Variants in KCNK10 observed in about 807,000 individuals in gnomAD.
The protein encoded by KCNK10 is potassium two pore domain channel subfamily K member 10, also known as potassium channel subfamily K member 10.
KCNK10 carries 25 observed loss-of-function variants against 47.7 expected under a neutral mutation model. That is an observed-to-expected ratio of 0.52 (90% confidence interval 0.38 to 0.73). KCNK10 has a LOEUF of 0.73. Ranked by LOEUF, KCNK10 falls within the 30% of genes least tolerant of loss-of-function variation. KCNK10 has a pLI of 0.00. For missense variants in KCNK10, 563 were observed against 714.5 expected (o/e 0.79, Z 2.42); for synonymous variants, 303 against 285.6 (o/e 1.06, Z -0.61).
intron 3 of KCNK10, among the ~76,000 whole-genome samples, chr14:88,234,349 T>C (rs190329562): frequency 6.6e-6 from 1 of 152,340 alleles, no homozygotes; most frequent in African/African-American, 2.4e-5. Context: ...TATAATTAGA[T>C]TAAGAGTGTT....
chr14:88,199,027 C>T (rs1182395365), intron 4 of KCNK10, among the ~76,000 whole-genome samples: 1 of 151,968 alleles, frequency 6.6e-6, no homozygotes, highest in Non-Finnish European at 1.5e-5. Context: ...TCAAGCGATT[C>T]TCCTGCCTCA....
rs182902550 is a variant in KCNK10 at position 88,321,096 on chromosome 14, G to T, written c.52+1651C>A. ...CTGTATTTACAGTATAACAGCCTGG[G>T]TGTTTAAAAAAGGCAATACCTCTTC... is the stretch of plus-strand genomic sequence containing the variant. On this transcript the variant is annotated intron_variant, in intron 1 of 6. Coordinates refer to ENST00000319231, the MANE Select transcript of KCNK10 (RefSeq NM_138317.3). Among the ~76,000 whole-genome samples the T allele has an allele frequency of 3.9e-5, 6 of 152,294 alleles. No individual in the cohort carries two copies. The East Asian group carries it at 1.2e-3, about 29-fold the overall frequency.
intron 2 of KCNK10, among the ~76,000 whole-genome samples, chr14:88,246,549 C>T (rs1046268488): frequency 6.6e-6 from 1 of 152,194 alleles, no homozygotes; most frequent in Non-Finnish European, 1.5e-5. Context: ...TATAAATATT[C>T]CACAGCCACA....
chr14:88,232,449 G>A (rs966466884), intron 3 of KCNK10, among the ~76,000 whole-genome samples: 13 of 152,074 alleles, frequency 8.5e-5, no homozygotes, highest in Non-Finnish European at 1.8e-4. Flanking sequence ...TAAACCTTGC[G>A]ACCACATGCA....
chr14:88,307,041 T>C (rs1888216645), intron 1 of KCNK10, among the ~76,000 whole-genome samples: 1 of 152,088 alleles, frequency 6.6e-6, no homozygotes, highest in African/African-American at 2.4e-5. Context: ...TCTATAGAAA[T>C]GGTGTTCAGC....
chr14:88,266,790 G>A (rs1005670262), intron 1 of KCNK10, among the ~76,000 whole-genome samples: 2 of 152,200 alleles, frequency 1.3e-5, no homozygotes, highest in African/African-American at 4.8e-5. Context: ...TTAGCTTAAA[G>A]CCTCATCAGC....
chr14:88,323,215 TGCGCACACACTCCC>T lies in KCNK10; in HGVS notation c.-431_-418del. The T allele has an allele frequency of 9.7e-7, 1 of 1,030,624 alleles. No individual in the cohort carries two copies. Among genetic ancestry groups the T allele is most frequent in the African/African-American group, 1.7e-5 (1 of 58,762 alleles). 63.8% of individuals were successfully genotyped at this position (1,030,624 alleles called of 1,614,324 possible). A position where few individuals can be genotyped will look rare whatever the true frequency, so the allele number is the denominator to read the frequency against. On this transcript the variant is annotated 5_prime_UTR_variant, in exon 1 of 7. Transcript: ENST00000319231. ...TGTCACTCCAGCCCCCGAAGGCGTG[TGCGCACACACTCCC>T]GCACACACACACCCGCACACACACT... is the stretch of plus-strand genomic sequence containing the variant.
At chr14:88,314,850 C>T (rs1024000695) in intron 1 of KCNK10, among the ~76,000 whole-genome samples, 1 of 152,210 alleles carries the variant, frequency 6.6e-6, no homozygotes, top group African/African-American at 2.4e-5. Flanking sequence ...ACATAACAAA[C>T]CAAAGAAGTA....
At chr14:88,296,040 G>C (rs764533989) in intron 1 of KCNK10, among the ~76,000 whole-genome samples, 1 of 152,098 alleles carries the variant, frequency 6.6e-6, no homozygotes, top group Non-Finnish European at 1.5e-5. Flanking sequence ...CATGCACCTG[G>C]GCTATACACA....
intron 1 of KCNK10, among the ~76,000 whole-genome samples, chr14:88,301,056 T>C (rs1296885466): frequency 6.6e-6 from 1 of 152,184 alleles, no homozygotes; most frequent in Non-Finnish European, 1.5e-5. Context: ...TTTACTCACA[T>C]AGCAAACATT....
rs1009914065 is a variant in KCNK10 at position 88,323,139 on chromosome 14, G to A, written c.-341C>T. 4 of 1,157,656 alleles carry A rather than the reference G, an allele frequency of 3.5e-6. No individual in the cohort carries two copies. Among genetic ancestry groups the A allele is most frequent in the Non-Finnish European group, 4.3e-6 (4 of 931,570 alleles). The allele number at this position is 1,157,656 out of a possible 1,614,324, so 71.7% of individuals were successfully genotyped here. ...TGCTTCCCAAAAGCGGTGCCGGCAGGTTAGGGGCTGCGCAGCCTGAAGGCT... is the reference window on the plus strand; with the variant it reads ...TGCTTCCCAAAAGCGGTGCCGGCAGATTAGGGGCTGCGCAGCCTGAAGGCT... On this transcript the variant is annotated 5_prime_UTR_variant, in exon 1 of 7. Coordinates refer to ENST00000319231, the MANE Select transcript of KCNK10 (RefSeq NM_138317.3).
At chr14:88,191,285 A>C (rs902382256) in intron 5 of KCNK10, among the ~76,000 whole-genome samples, 1 of 151,160 alleles carries the variant, frequency 6.6e-6, no homozygotes, top group Non-Finnish European at 1.5e-5. Context: ...ACAAAAAAAA[A>C]CAGTCTGCTT....
intron 1 of KCNK10, among the ~76,000 whole-genome samples, chr14:88,279,846 C>G (rs1887609725): frequency 6.6e-6 from 1 of 152,072 alleles, no homozygotes; most frequent in Non-Finnish European, 1.5e-5. Context: ...ATCATGGGGG[C>G]CAGTCTTTCC....
chr14:88,323,400 C>A (rs573129120), upstream of KCNK10, among the ~76,000 whole-genome samples: 1 of 149,248 alleles, frequency 6.7e-6, no homozygotes, highest in East Asian at 2.1e-4. Context: ...TGGCGCGGCG[C>A]CCGGGCAGCG....
chr14:88,311,761 T>C (rs3934197), intron 1 of KCNK10, among the ~76,000 whole-genome samples: 32,981 of 151,780 alleles, frequency 0.22, 3,976 homozygotes, highest in African/African-American at 0.31. Context: ...AAAAAGGGGC[T>C]ACAGGAAGTG....
At chr14:88,282,554 C>A (rs903060941) in intron 1 of KCNK10, among the ~76,000 whole-genome samples, 4 of 152,164 alleles carry the variant, frequency 2.6e-5, no homozygotes, top group Non-Finnish European at 5.9e-5. Flanking sequence ...TAGAAGACAC[C>A]TATTTTTAGG....
In KCNK10 at chr14:88,186,073, A is replaced by T; in HGVS notation, c.1094T>A (p.Val365Glu). The change falls in exon 7 of 7, where the codon GTG (valine) becomes GAG (glutamate). Residue 365 changes from valine to glutamate, a missense_variant. By Grantham distance (121) the Val-to-Glu change is moderately radical (BLOSUM62 -2). Coordinates refer to ENST00000319231, the MANE Select transcript of KCNK10 (RefSeq NM_138317.3). The surrounding 1 kb of genome is among the most constrained non-coding windows in gnomAD (Gnocchi z 5.5). Reference protein sequence around the residue: ...EFRETRRRLSVEIHDKLQRAA... With the variant: ...EFRETRRRLSEEIHDKLQRAA... ...CCGCTGCAGCTTATCGTGGATCTCCACGCTGAGCCTTCGCCGTGTCTCCCG... is the reference window on the plus strand; with the variant it reads ...CCGCTGCAGCTTATCGTGGATCTCCTCGCTGAGCCTTCGCCGTGTCTCCCG... 6.2e-7 allele frequency: 1 copy of T among 1,612,378 alleles called. No homozygotes were observed.
At chr14:88,245,138 T>G (rs1258655775) in intron 2 of KCNK10, among the ~76,000 whole-genome samples, 2 of 152,180 alleles carry the variant, frequency 1.3e-5, no homozygotes, top group Non-Finnish European at 1.5e-5. Flanking sequence ...ACTAATAAAT[T>G]TAGATATATT....
At chr14:88,202,571 G>A (rs1032853298) in intron 4 of KCNK10, among the ~76,000 whole-genome samples, 16 of 151,936 alleles carry the variant, frequency 1.1e-4, no homozygotes, top group South Asian at 2.1e-4. Flanking sequence ...TCTGTCCTCC[G>A]TCCTCCTCTT....
Sources: allele counts gnomAD v4.1 joint callset (sites outside exome capture counted in the v4.1 genomes callset), GRCh38; gene constraint gnomAD v4.1.1; non-coding constraint Gnocchi (gnomAD v3.1); transcripts MANE v1.5; gene names NCBI Gene and HGNC (gene_info 2026-07-23, HGNC 2026-07-21).